Variants in EVI5L observed in about 807,000 individuals in gnomAD.
EVI5L encodes the protein EVI5-like protein.
In EVI5L, 30 loss-of-function variants were observed where a neutral mutation model predicts 106.1. The observed-to-expected ratio is 0.28, with a 90% CI of 0.21 to 0.38. The LOEUF is 0.38. Among genes scored for constraint, EVI5L ranks in the 10% least tolerant of loss-of-function variants. EVI5L has a pLI of 1.00. For synonymous variants in EVI5L, 489 were observed against 483.3 expected (o/e 1.01, Z -0.15); for missense variants, 809 against 1,098.0 (o/e 0.74, Z 3.72).
chr19:7,837,133 C>G, intron 1 of EVI5L, among the ~76,000 whole-genome samples: 1 of 151,284 alleles, frequency 6.6e-6, no homozygotes, highest in East Asian at 2.0e-4. Flanking sequence ...GAGTTCAAAA[C>G]CAGCCTGGCC....
rs897949814 is a variant in EVI5L at position 7,863,906 on chromosome 19, C to T, written c.*204C>T. The stretch of plus-strand genomic sequence containing the variant: ...GGGCCCCGGGGCAGGCTCTCTATCC[C>T]CAGCAGTGTTTACCCATCTTGGTCT... On this transcript the variant is annotated 3_prime_UTR_variant, in exon 20 of 20. Coordinates refer to ENST00000538904, the MANE Select transcript of EVI5L (RefSeq NM_001159944.3). This position sits in a 1 kb window ranked among gnomAD's most constrained non-coding sequence, Gnocchi z 7.7. 3 of 647,140 alleles carry T rather than the reference C, an allele frequency of 4.6e-6. No homozygotes were observed. Among genetic ancestry groups the T allele is most frequent in the Admixed American group, 7.3e-5 (2 of 27,502 alleles). 40.1% of individuals were successfully genotyped at this position (647,140 alleles called of 1,614,324 possible).
chr19:7,842,370 G>GTGTGAATGTGTGTATCAAGTGCC, intron 1 of EVI5L, among the ~76,000 whole-genome samples: 1 of 134,718 alleles, frequency 7.4e-6, no homozygotes, highest in African/African-American at 2.6e-5. Flanking sequence ...TATCAAGTGC[G>GTGTGAATGTGTGTATCAAGTGCC]TGCATGTGTG....
At chr19:7,832,636 C>T (rs1231392075) in intron 1 of EVI5L, among the ~76,000 whole-genome samples, 1 of 152,100 alleles carries the variant, frequency 6.6e-6, no homozygotes, top group African/African-American at 2.4e-5. Flanking sequence ...AATCACTGGC[C>T]ACCCAGGTCC....
rs369671622 is a variant in EVI5L at position 7,846,516 on chromosome 19, C to T, written c.-27C>T. On this transcript the variant is annotated 5_prime_UTR_variant, in exon 2 of 20. Transcript: ENST00000538904. ...CCCAGACAGAGCTGTGAACCAACCC[C>T]GCTCACGGCTAACAAGCCCACCCAC... is the stretch of plus-strand genomic sequence containing the variant. 9.8e-5 allele frequency: 157 copies of T among 1,595,224 alleles called. No individual in the cohort carries two copies. The highest frequency in any genetic ancestry group is 1.7e-4 in the Middle Eastern group (1 of 5,928).
Position 7,848,791 on chromosome 19 carries a change from G to A in EVI5L, c.328-130G>A, listed in dbSNP as rs1379241760. On this transcript the variant is annotated intron_variant, in intron 3 of 19. Transcript: ENST00000538904. The surrounding 1 kb of genome is among the most constrained non-coding windows in gnomAD (Gnocchi z 4.8). ...CTCTGAAAAAAGGGGGTAAAAAAAG[G>A]ATTGGGGACCATGAGTTCTGTGCCA... 1.2e-6 allele frequency: 1 copy of A among 818,406 alleles called. No homozygotes were observed. Among genetic ancestry groups the A allele is most frequent in the Non-Finnish European group, 1.9e-6 (1 of 528,148 alleles). 50.7% of individuals were successfully genotyped at this position (818,406 alleles called of 1,614,324 possible). A position where few individuals can be genotyped will look rare whatever the true frequency, so the allele number is the denominator to read the frequency against.
At chr19:7,851,376 A>AC in intron 6 of EVI5L, 58 bp from the exon 7 acceptor site, 1 of 1,567,658 alleles carries the variant, frequency 6.4e-7, no homozygotes, top group Non-Finnish European at 8.7e-7. Context: ...GAGGCCCAGC[A>AC]CCCCCCGGTG....
At chr19:7,844,809 T>C (rs1978878752) in intron 1 of EVI5L, among the ~76,000 whole-genome samples, 1 of 152,130 alleles carries the variant, frequency 6.6e-6, no homozygotes, top group African/African-American at 2.4e-5. Flanking sequence ...GTAGAACCAG[T>C]AGCCTTGGGG....
Position 7,843,904 on chromosome 19 carries a change from G to A in EVI5L, c.-47-2592G>A, listed in dbSNP as rs112131845. Among the ~76,000 whole-genome samples, 1,010 of 152,134 alleles carry A rather than the reference G, an allele frequency of 6.6e-3. 13 individuals carry two copies. The highest frequency in any genetic ancestry group is 0.024 in the African/African-American group (976 of 41,450). Reference sequence around the variant, plus strand: ...GATGAGTGGAGAGAAAGTTCCGGTGGGATCAGAAGGTTCCTGCCTCTCAGA... The same window carrying A: ...GATGAGTGGAGAGAAAGTTCCGGTGAGATCAGAAGGTTCCTGCCTCTCAGA... On this transcript the variant is annotated intron_variant, in intron 1 of 19. Transcript: ENST00000538904.
rs546615764 is a variant in EVI5L, at chr19:7,847,931, G to T, written c.327+10G>T. On this transcript the variant is annotated intron_variant, in intron 3 of 19. Coordinates refer to ENST00000538904, the MANE Select transcript of EVI5L (RefSeq NM_001159944.3). ...GGAGAAGCTGCTCAAGGTGGGGGGCGGCCAGGCAGGCAGGGCTGGGCCGAC... is the reference window on the plus strand; with the variant it reads ...GGAGAAGCTGCTCAAGGTGGGGGGCTGCCAGGCAGGCAGGGCTGGGCCGAC... 2 of 1,535,060 alleles carry T rather than the reference G, an allele frequency of 1.3e-6. No individual in the cohort carries two copies. Among genetic ancestry groups the T allele is most frequent in the Non-Finnish European group, 1.8e-6 (2 of 1,137,236 alleles).
At chr19:7,855,488 C>G (rs939905481) in intron 10 of EVI5L, among the ~76,000 whole-genome samples, 2 of 152,220 alleles carry the variant, frequency 1.3e-5, no homozygotes, top group African/African-American at 4.8e-5. Context: ...ACAGAGAAAA[C>G]CACTGGGGAC....
chr19:7,851,893 C>T (rs993669043), intron 8 of EVI5L, 123 bp downstream of exon 8: 2 of 880,474 alleles, frequency 2.3e-6, no homozygotes. Flanking sequence ...GCCTGACATC[C>T]CTGATCTGTT....
chr19:7,853,495 C>G, intron 10 of EVI5L, 162 bp downstream of exon 10: 1 of 929,092 alleles, frequency 1.1e-6, no homozygotes, highest in African/African-American at 1.6e-5. Context: ...CGTCCTTCAC[C>G]TGTTAGGCCA....
At position 7,856,090 on chromosome 19, in the gene EVI5L, A is replaced by G; in HGVS notation, c.1200+22A>G. The G allele has an allele frequency of 7.6e-7, 1 of 1,319,306 alleles. No individual in the cohort carries two copies. The highest frequency in any genetic ancestry group is 9.8e-7 in the Non-Finnish European group (1 of 1,024,874). 81.7% of individuals were successfully genotyped at this position (1,319,306 alleles called of 1,614,324 possible). On this transcript the variant is annotated intron_variant, in intron 11 of 19. Transcript: ENST00000538904. This position sits in a 1 kb window ranked among gnomAD's most constrained non-coding sequence, Gnocchi z 6.6. The stretch of plus-strand genomic sequence containing the variant: ...GAAGGTGAGGGGCGTGGCCACTGTG[A>G]GGACATGGTCGCCATGGGGTGTGAC...
intron 1 of EVI5L, among the ~76,000 whole-genome samples, chr19:7,839,774 T>A (rs1387942237): frequency 1.4e-5 from 2 of 147,182 alleles, no homozygotes; most frequent in Non-Finnish European, 3.0e-5. Flanking sequence ...ATTAGAAAAA[T>A]TGGCAAGGCA....
intron 1 of EVI5L, among the ~76,000 whole-genome samples, chr19:7,846,025 A>T (rs949677308): frequency 4.6e-5 from 7 of 152,228 alleles, no homozygotes; most frequent in Admixed American, 3.9e-4. Flanking sequence ...TGGGGAAGTC[A>T]GACACTGATA....
At position 7,835,035 on chromosome 19, in the gene EVI5L, G is replaced by T. The variant is rs1408505391; in HGVS notation, c.-48+4654G>T. 6.6e-6 allele frequency among the ~76,000 whole-genome samples: 1 copy of T among 152,122 alleles called. No homozygotes were observed. The highest frequency in any genetic ancestry group is 1.5e-5 in the Non-Finnish European group (1 of 68,038). The stretch of plus-strand genomic sequence containing the variant: ...GTCTGTAGTCCCAGCTACTTGGGAG[G>T]CTGAGGCAGGAGAATCACTTGAGCT... On this transcript the variant is annotated intron_variant, in intron 1 of 19. Coordinates refer to ENST00000538904, the MANE Select transcript of EVI5L (RefSeq NM_001159944.3). The surrounding 1 kb of genome is among the most constrained non-coding windows in gnomAD (Gnocchi z 4.1).
At position 7,848,826 on chromosome 19, in the gene EVI5L, C is replaced by T; in HGVS notation, c.328-95C>T. Reference sequence around the variant, plus strand: ...CATGAGTTCTGTGCCATGCTTGAGGCCTGGATGAGCCACGCCTGAGGAGCT... The same window carrying T: ...CATGAGTTCTGTGCCATGCTTGAGGTCTGGATGAGCCACGCCTGAGGAGCT... On this transcript the variant is annotated intron_variant, in intron 3 of 19. Transcript: ENST00000538904. The surrounding 1 kb of genome is among the most constrained non-coding windows in gnomAD (Gnocchi z 4.8). 1 of 1,171,150 alleles carries T rather than the reference C, an allele frequency of 8.5e-7. No homozygotes were observed. Among genetic ancestry groups the T allele is most frequent in the South Asian group, 1.4e-5 (1 of 71,110 alleles). The allele number at this position is 1,171,150 out of a possible 1,614,324, so 72.5% of individuals were successfully genotyped here. A position where few individuals can be genotyped will look rare whatever the true frequency, so the allele number is the denominator to read the frequency against.
At chr19:7,861,017 G>A (rs1194343183) in intron 14 of EVI5L, among the ~76,000 whole-genome samples, 1 of 152,032 alleles carries the variant, frequency 6.6e-6, no homozygotes, top group Non-Finnish European at 1.5e-5. Flanking sequence ...GAAGGCCCAG[G>A]CCCATTGTGG....
Position 7,848,833 on chromosome 19 carries a change from G to T in EVI5L, c.328-88G>T. On this transcript the variant is annotated intron_variant, in intron 3 of 19. Transcript: ENST00000538904. The surrounding 1 kb of genome is among the most constrained non-coding windows in gnomAD (Gnocchi z 4.8). ...TCTGTGCCATGCTTGAGGCCTGGATGAGCCACGCCTGAGGAGCTGGGCTGG... is the reference window on the plus strand; with the variant it reads ...TCTGTGCCATGCTTGAGGCCTGGATTAGCCACGCCTGAGGAGCTGGGCTGG... 1 of 1,272,226 alleles carries T rather than the reference G, an allele frequency of 7.9e-7. No individual in the cohort carries two copies. The highest frequency in any genetic ancestry group is 1.1e-6 in the Non-Finnish European group (1 of 907,656). The allele number at this position is 1,272,226 out of a possible 1,614,324, so 78.8% of individuals were successfully genotyped here. A position where few individuals can be genotyped will look rare whatever the true frequency, so the allele number is the denominator to read the frequency against.
Sources: gnomAD v4.1 joint callset for allele counts (sites outside exome capture counted in the v4.1 genomes callset) on GRCh38, gnomAD v4.1.1 for gene constraint, Gnocchi (gnomAD v3.1) non-coding constraint, MANE v1.5 for transcripts, NCBI Gene and HGNC (gene_info 2026-07-23, HGNC 2026-07-21) for gene names.